Variants in NAA16 observed in about 807,000 individuals in gnomAD.
The protein encoded by NAA16 is N-alpha-acetyltransferase 16, NatA auxiliary subunit.
Under a neutral mutation model 110.3 loss-of-function variants are expected in NAA16, and 97 were observed. The ratio of observed to expected loss-of-function variants is 0.88; its 90% CI spans 0.75 to 1.04. The LOEUF (loss-of-function observed/expected upper bound fraction) is 1.04, where lower values mean the gene tolerates loss of function less well. Among genes scored for constraint, NAA16 ranks in the 50% least tolerant of loss-of-function variants. The probability of loss-of-function intolerance (pLI) is 0.00; values close to 1 mark genes in which losing one functional copy is unlikely to be tolerated. For missense variants in NAA16, 1,017 were observed against 1,005.1 expected, an observed-to-expected ratio of 1.01 and a Z score of -0.16; for synonymous variants, 372 against 330.6, an observed-to-expected ratio of 1.13 and a Z score of -1.36.
chr13:41,360,189 G>T (rs529566569), intron 12 of NAA16, among the ~76,000 whole-genome samples: 2 of 152,246 alleles, frequency 1.3e-5, no homozygotes, highest in Admixed American at 6.5e-5. Context: ...AAGTATACAG[G>T]TTGAGCATCC....
intron 12 of NAA16, among the ~76,000 whole-genome samples, chr13:41,360,962 C>T (rs937486216): frequency 1.3e-5 from 2 of 152,124 alleles, no homozygotes. Flanking sequence ...TAATTCTGTT[C>T]ACCCAGAGAT....
rs1232564307 is a variant in NAA16, at chr13:41,376,853, A to G, written c.*1251A>G. 1 of 152,188 alleles carries G rather than the reference A, an allele frequency of 6.6e-6. No individual in the cohort carries two copies. Among genetic ancestry groups the G allele is most frequent in the Non-Finnish European group, 1.5e-5 (1 of 68,014 alleles). The allele number at this position is 152,188 out of a possible 1,614,324, so 9.4% of individuals were successfully genotyped here. On this transcript the variant is annotated 3_prime_UTR_variant, in exon 20 of 20. Coordinates refer to ENST00000379406, the MANE Select transcript of NAA16 (RefSeq NM_024561.5). The stretch of plus-strand genomic sequence containing the variant: ...TTCAGAACCTTGTAAATATGTCTGT[A>G]ATATTAATGCTTCCCTTTATTAAGA...
intron 12 of NAA16, among the ~76,000 whole-genome samples, chr13:41,360,261 A>T (rs2043085365): frequency 6.6e-6 from 1 of 152,154 alleles, no homozygotes; most frequent in Non-Finnish European, 1.5e-5. Context: ...CACTGGTATG[A>T]TGGTCAAAGG....
At chr13:41,324,363 CTTTTTTTTTTTTTTTT>C (rs71086562) in intron 5 of NAA16, among the ~76,000 whole-genome samples, 1 of 66,060 alleles carries the variant, frequency 1.5e-5, no homozygotes. Flanking sequence ...TTCTTTCTTT[CTTTTTTTTTTTTTTTT>C]TTTTTTTTTT....
Position 41,311,439 on chromosome 13 carries a change from C to A in NAA16, c.-90C>A. The A allele has an allele frequency of 7.9e-7, 1 of 1,268,732 alleles. No individual in the cohort carries two copies. The highest frequency in any genetic ancestry group is 1.1e-6 in the Non-Finnish European group (1 of 896,358). The allele number at this position is 1,268,732 out of a possible 1,614,324, so 78.6% of individuals were successfully genotyped here. On this transcript the variant is annotated 5_prime_UTR_variant, in exon 1 of 20. Coordinates refer to ENST00000379406, the MANE Select transcript of NAA16 (RefSeq NM_024561.5). ...CCATCGCCCGCAGCCCGACTCTCAG[C>A]AGCGGTTCGTCCCGGTGCCCACCCC...
intron 8 of NAA16, among the ~76,000 whole-genome samples, chr13:41,333,041 C>T (rs1566259322): frequency 1.3e-5 from 2 of 151,998 alleles, no homozygotes; most frequent in Non-Finnish European, 2.9e-5. Flanking sequence ...TGTTAGTGTG[C>T]TTTTGCTGTT....
In NAA16 at chr13:41,373,845, A is replaced by G; in HGVS notation, c.2299+65A>G. The G allele has an allele frequency of 2.0e-6, 3 of 1,520,826 alleles. No homozygotes were observed. In the South Asian group the frequency reaches 4.0e-5, roughly 20 times the overall value. 94.2% of individuals were successfully genotyped at this position (1,520,826 alleles called of 1,614,324 possible). On this transcript the variant is annotated intron_variant, in intron 18 of 19. Transcript: ENST00000379406. ...AAGCGAACAAAGAGAAAGCTTTGAC[A>G]CCCCCAAAATGTAAAGCAAATGAAC... is the stretch of plus-strand genomic sequence containing the variant.
chr13:41,356,156 CGTGT>C lies in NAA16; in HGVS notation c.1087+952_1087+955del, dbSNP rs138992483. On this transcript the variant is annotated intron_variant, in intron 10 of 19. Transcript: ENST00000379406. ...CACCATGCCTAGCTGATTTTGTGTG[CGTGT>C]GTGTGTGTGTGCATACGCGCGCACA... Among the ~76,000 whole-genome samples, 8 of 151,614 alleles carry C rather than the reference CGTGT, an allele frequency of 5.3e-5. No homozygotes were observed. The South Asian group carries it at 6.3e-4, about 12-fold the overall frequency.
Position 41,355,574 on chromosome 13 carries a change from C to T in NAA16, c.1087+358C>T, listed in dbSNP as rs146215519. Among the ~76,000 whole-genome samples, 536 of 152,164 alleles carry T rather than the reference C, an allele frequency of 3.5e-3. 1 individual carries two copies. The highest frequency in any genetic ancestry group is 0.012 in the African/African-American group (485 of 41,524). ...CCTTCTGAGTAGCTGGGATTACAGG[C>T]GCCTGCCACCACTCCTGCCTAAGTG... On this transcript the variant is annotated intron_variant, in intron 10 of 19. Transcript: ENST00000379406.
intron 5 of NAA16, among the ~76,000 whole-genome samples, chr13:41,324,957 GTTTTTT>G (rs145690016): frequency 8.4e-6 from 1 of 119,432 alleles, no homozygotes. Flanking sequence ...TTTTAGTTTA[GTTTTTT>G]TTTTTTTTTT....
At chr13:41,315,104 C>G (rs987850796) in intron 1 of NAA16, among the ~76,000 whole-genome samples, 18 of 152,112 alleles carry the variant, frequency 1.2e-4, no homozygotes, top group African/African-American at 4.3e-4. Flanking sequence ...GAAATGATAG[C>G]ACTGTGTGGA....
rs1433832571 is a variant in NAA16, at chr13:41,318,924, GTAGT to G, written c.244+17_244+20del. On this transcript the variant is annotated intron_variant, in intron 3 of 19. Coordinates refer to ENST00000379406, the MANE Select transcript of NAA16 (RefSeq NM_024561.5). ...AGAGTCATGTCTGTATCCTTTTGCAGTAGTTAAATAGTTTATGTTTTAGCTAGTT... is the reference window on the plus strand; with the variant it reads ...AGAGTCATGTCTGTATCCTTTTGCAGTAAATAGTTTATGTTTTAGCTAGTT... 7 of 1,475,138 alleles carry G rather than the reference GTAGT, an allele frequency of 4.7e-6. No individual in the cohort carries two copies. The highest frequency in any genetic ancestry group is 6.4e-6 in the Non-Finnish European group (7 of 1,085,350). The allele number at this position is 1,475,138 out of a possible 1,614,324, so 91.4% of individuals were successfully genotyped here. A position where few individuals can be genotyped will look rare whatever the true frequency, so the allele number is the denominator to read the frequency against.
At chr13:41,348,210 C>T (rs1271725223) in intron 9 of NAA16, among the ~76,000 whole-genome samples, 1 of 151,960 alleles carries the variant, frequency 6.6e-6, no homozygotes, top group East Asian at 1.9e-4. Flanking sequence ...CTCTGTCACC[C>T]GGGCTGGAGT....
chr13:41,366,049 T>TAACAA (rs2043201760), intron 13 of NAA16, among the ~76,000 whole-genome samples: 1 of 152,112 alleles, frequency 6.6e-6, no homozygotes, highest in Non-Finnish European at 1.5e-5. Flanking sequence ...GAGAAACCAC[T>TAACAA]AACAACTTTA....
rs555315971 is a variant in NAA16 at position 41,373,115 on chromosome 13, G to C, written c.2155+285G>C. 24 of 944,956 alleles carry C rather than the reference G, an allele frequency of 2.5e-5. No homozygotes were observed. The South Asian group carries it at 1.1e-3, about 44-fold the overall frequency. 58.5% of individuals were successfully genotyped at this position (944,956 alleles called of 1,614,324 possible). Reference sequence around the variant, plus strand: ...TAATAATTTACATAGTTAAATGAACGTGTCTATAAAATAAACCTGTTAGCC... The same window carrying C: ...TAATAATTTACATAGTTAAATGAACCTGTCTATAAAATAAACCTGTTAGCC... On this transcript the variant is annotated intron_variant, in intron 17 of 19. Transcript: ENST00000379406.
intron 2 of NAA16, 38 bp from the exon 3 acceptor site, chr13:41,318,768 G>C (rs747150303): frequency 8.8e-7 from 1 of 1,130,358 alleles, no homozygotes; most frequent in South Asian, 1.6e-5. Context: ...GAATAATTTT[G>C]TGTCATTTGT....
chr13:41,338,837 T>C (rs1388876705), intron 9 of NAA16, among the ~76,000 whole-genome samples: 1 of 152,178 alleles, frequency 6.6e-6, no homozygotes, highest in Non-Finnish European at 1.5e-5. Flanking sequence ...AGTGGTGATT[T>C]CTGAGATTTT....
chr13:41,323,506 A>G (rs190861977), intron 5 of NAA16, among the ~76,000 whole-genome samples: 18 of 151,168 alleles, frequency 1.2e-4, no homozygotes, highest in Admixed American at 9.9e-4. Flanking sequence ...ACTCGCCACC[A>G]CGCCCGGCTA....
intron 9 of NAA16, among the ~76,000 whole-genome samples, chr13:41,342,612 TAACA>T (rs1198006817): frequency 1.3e-5 from 2 of 152,152 alleles, no homozygotes; most frequent in Non-Finnish European, 2.9e-5. Flanking sequence ...AACAAACAAC[TAACA>T]TAGTATTCAC....
Sources: gnomAD v4.1 joint callset for allele counts (sites outside exome capture counted in the v4.1 genomes callset) on GRCh38, gnomAD v4.1.1 for gene constraint, MANE v1.5 for transcripts, NCBI Gene and HGNC (gene_info 2026-07-23, HGNC 2026-07-21) for gene names.